Variants in CUX2 observed in about 807,000 individuals in gnomAD.
The protein encoded by CUX2 is homeobox protein cut-like 2.
CUX2 carries 40 observed loss-of-function variants against 144.8 expected under a neutral mutation model. That is an observed-to-expected ratio of 0.28 (90% CI 0.21 to 0.36). The LOEUF (loss-of-function observed/expected upper bound fraction) is 0.36. Ranked by LOEUF, CUX2 falls within the 10% of genes least tolerant of loss-of-function variation. The pLI, the probability that CUX2 is intolerant of heterozygous loss-of-function variation, is 1.00. For synonymous variants in CUX2, 827 were observed against 875.6 expected, an observed-to-expected ratio of 0.94 and a Z score of 0.98; for missense variants, 1,615 against 1,994.0, an observed-to-expected ratio of 0.81 and a Z score of 3.62.
chr12:111,228,621 A>G (rs774104260), intron 3 of CUX2, among the ~76,000 whole-genome samples: 4 of 152,008 alleles, frequency 2.6e-5, no homozygotes, highest in Non-Finnish European at 5.9e-5. Context: ...ACAGGGCTTC[A>G]CTATGTTGAC....
chr12:111,342,220 G>A (rs1288392668), intron 21 of CUX2, among the ~76,000 whole-genome samples, 167 bp downstream of exon 21: 1 of 152,194 alleles, frequency 6.6e-6, no homozygotes, highest in African/African-American at 2.4e-5. Context: ...GTTCATGCCT[G>A]TAATCCCAGC....
Position 111,118,004 on chromosome 12 carries a change from G to C in CUX2, c.63+83764G>C, listed in dbSNP as rs908526274. 2.0e-5 allele frequency among the ~76,000 whole-genome samples: 3 copies of C among 152,254 alleles called. 1 individual carries two copies. The highest frequency in any genetic ancestry group is 6.8e-3 in the Middle Eastern group (2 of 294). ...TCCTTTGCCTTACCGTATTTCCCAG[G>C]TAAAGGCTGGGAAACCTCCCTTTGC... On this transcript the variant is annotated intron_variant, in intron 1 of 21. Transcript: ENST00000261726.
rs1436974399 is a variant in CUX2 at position 111,034,627 on chromosome 12, G to T, written c.63+387G>T. On this transcript the variant is annotated intron_variant, in intron 1 of 21. Transcript: ENST00000261726. The surrounding 1 kb of genome is among the most constrained non-coding windows in gnomAD (Gnocchi z 4.2). The stretch of plus-strand genomic sequence containing the variant: ...ACTTTGCGCGCCTCCCAACTTCGCG[G>T]CGCCCGGGGAGGCCGCGGAGCGCGC... Among the ~76,000 whole-genome samples, 2 of 151,422 alleles carry T rather than the reference G, an allele frequency of 1.3e-5. No homozygotes were observed. Among genetic ancestry groups the T allele is most frequent in the African/African-American group, 2.4e-5 (1 of 41,378 alleles).
intron 1 of CUX2, among the ~76,000 whole-genome samples, chr12:111,082,902 GGCCATGGGGA>G (rs1871980455): frequency 6.6e-6 from 1 of 152,134 alleles, no homozygotes; most frequent in South Asian, 2.1e-4. Context: ...TAGCTTGGTG[GGCCATGGGGA>G]GCCATGGAGG....
At chr12:111,225,862 A>G (rs1440305214) in intron 3 of CUX2, among the ~76,000 whole-genome samples, 1 of 152,208 alleles carries the variant, frequency 6.6e-6, no homozygotes, top group African/African-American at 2.4e-5. Context: ...TTGGTACATA[A>G]TAAGTGCTCA....
Position 111,255,037 on chromosome 12 carries a change from A to T in CUX2, c.223-8724A>T, listed in dbSNP as rs1344454505. 6.6e-6 allele frequency among the ~76,000 whole-genome samples: 1 copy of T among 152,162 alleles called. No individual in the cohort carries two copies. Among genetic ancestry groups the T allele is most frequent in the Non-Finnish European group, 1.5e-5 (1 of 68,024 alleles). ...ATTTTTAATAGAGACGGGGTTTCAC[A>T]TGTTGGCCAGGCTGGTCTCGAACTC... On this transcript the variant is annotated intron_variant, in intron 3 of 21. Transcript: ENST00000261726. The surrounding 1 kb of genome is among the most constrained non-coding windows in gnomAD (Gnocchi z 4.1).
Position 111,312,004 on chromosome 12 carries a change from C to A in CUX2, c.1901-96C>A. The A allele has an allele frequency of 1.0e-6, 1 of 998,042 alleles. No individual in the cohort carries two copies. Among genetic ancestry groups the A allele is most frequent in the East Asian group, 2.6e-5 (1 of 37,996 alleles). 61.8% of individuals were successfully genotyped at this position (998,042 alleles called of 1,614,324 possible). ...TCTCACTGATGGTCTGACCCTCACT[C>A]TTCTGGGAGGAGGAGACAGCCCCCC... On this transcript the variant is annotated intron_variant, in intron 15 of 21. Coordinates refer to ENST00000261726, the MANE Select transcript of CUX2 (RefSeq NM_015267.4). The surrounding 1 kb of genome is among the most constrained non-coding windows in gnomAD (Gnocchi z 4.3).
chr12:111,325,250 T>C (rs1334068045), intron 18 of CUX2, among the ~76,000 whole-genome samples: 1 of 151,470 alleles, frequency 6.6e-6, no homozygotes, highest in African/African-American at 2.4e-5. Flanking sequence ...GCCGAGATCC[T>C]GTCACTGCAC....
chr12:111,239,620 T>C (rs373834442), intron 3 of CUX2, among the ~76,000 whole-genome samples: 1 of 152,242 alleles, frequency 6.6e-6, no homozygotes, highest in Admixed American at 6.5e-5. Context: ...AATGGCCAAT[T>C]CCCTTTGATT....
At chr12:111,242,477 C>G (rs1883070546) in intron 3 of CUX2, among the ~76,000 whole-genome samples, 2 of 152,174 alleles carry the variant, frequency 1.3e-5, no homozygotes, top group African/African-American at 4.8e-5. Context: ...AATACTTGCT[C>G]CGTGGCTCTT....
intron 1 of CUX2, among the ~76,000 whole-genome samples, chr12:111,089,532 G>C (rs888550366): frequency 2.0e-5 from 3 of 152,210 alleles, no homozygotes; most frequent in African/African-American, 7.2e-5. Flanking sequence ...AGGCCCTACA[G>C]TGCTCTCCTG....
At position 111,322,676 on chromosome 12, in the gene CUX2, T is replaced by G; in HGVS notation, c.2926+96T>G. On this transcript the variant is annotated intron_variant, in intron 18 of 21. Transcript: ENST00000261726. The surrounding 1 kb of genome is among the most constrained non-coding windows in gnomAD (Gnocchi z 4.2). ...GCTTTACTGCCCGAGTCTACCTATCTCTCCCTCCCTGCTGCCCTGGCTTTC... is the reference window on the plus strand; with the variant it reads ...GCTTTACTGCCCGAGTCTACCTATCGCTCCCTCCCTGCTGCCCTGGCTTTC... The G allele has an allele frequency of 5.5e-6, 8 of 1,442,934 alleles. No homozygotes were observed. The South Asian group carries it at 9.8e-5, about 18-fold the overall frequency. The allele number at this position is 1,442,934 out of a possible 1,614,324, so 89.4% of individuals were successfully genotyped here.
intron 1 of CUX2, among the ~76,000 whole-genome samples, chr12:111,076,676 A>G (rs1366826540): frequency 6.6e-6 from 1 of 152,192 alleles, no homozygotes; most frequent in Non-Finnish European, 1.5e-5. Flanking sequence ...CCCAGGTTCC[A>G]GTCTGTTTCC....
intron 1 of CUX2, among the ~76,000 whole-genome samples, chr12:111,080,918 C>T (rs2136042402): frequency 6.6e-6 from 1 of 152,308 alleles, no homozygotes. Context: ...GCCTCAGTTT[C>T]CTCATCTATA....
chr12:111,221,020 T>C (rs1386096645), intron 3 of CUX2, among the ~76,000 whole-genome samples: 1 of 151,206 alleles, frequency 6.6e-6, no homozygotes, highest in African/African-American at 2.4e-5. Flanking sequence ...TGGCACACCG[T>C]TGGTGCTCAG....
chr12:111,223,162 G>A (rs1379956980), intron 3 of CUX2, among the ~76,000 whole-genome samples: 2 of 152,286 alleles, frequency 1.3e-5, no homozygotes, highest in Middle Eastern at 6.8e-3. Flanking sequence ...TGTGAGGACT[G>A]TTGCAGATCC....
At chr12:111,063,471 A>T (rs571075556) in intron 1 of CUX2, among the ~76,000 whole-genome samples, 77 of 152,336 alleles carry the variant, frequency 5.1e-4, no homozygotes, top group African/African-American at 1.9e-3. Context: ...CCCAACCAGC[A>T]TAGGTGGCTC....
chr12:111,135,626 A>G (rs898247965), intron 1 of CUX2, among the ~76,000 whole-genome samples: 1 of 152,264 alleles, frequency 6.6e-6, no homozygotes, highest in Non-Finnish European at 1.5e-5. Context: ...TGGTCTGTCC[A>G]TACAATGGAA....
intron 1 of CUX2, among the ~76,000 whole-genome samples, chr12:111,085,208 A>G (rs1424008407): frequency 1.3e-5 from 2 of 152,182 alleles, no homozygotes; most frequent in South Asian, 4.1e-4. Context: ...AGCTCCTGAG[A>G]GCTGACTGTG....
Sources: gnomAD v4.1 joint callset for allele counts (sites outside exome capture counted in the v4.1 genomes callset) on GRCh38, gnomAD v4.1.1 for gene constraint, Gnocchi (gnomAD v3.1) non-coding constraint, MANE v1.5 for transcripts, NCBI Gene and HGNC (gene_info 2026-07-23, HGNC 2026-07-21) for gene names.